Variants in RTTN observed in about 807,000 individuals in gnomAD.
RTTN encodes the protein rotatin.
A neutral mutation model predicts 269.2 loss-of-function variants in RTTN; 182 were observed. That is an observed-to-expected ratio of 0.68 (90% CI 0.60 to 0.76). The LOEUF (loss-of-function observed/expected upper bound fraction) is 0.76, where lower values mean the gene tolerates loss of function less well. Ranked by LOEUF, RTTN falls within the 30% of genes least tolerant of loss-of-function variation. RTTN has a pLI of 0.00. For synonymous variants in RTTN, 1,006 were observed against 963.5 expected (o/e 1.04, Z -0.82); for missense variants, 2,545 against 2,608.6 (o/e 0.98, Z 0.53).
At chr18:70,202,110 GTTTT>G (rs1291614336) in intron 3 of RTTN, 127 bp from the exon 4 acceptor site, 8 of 564,952 alleles carry the variant, frequency 1.4e-5, no homozygotes, top group Non-Finnish European at 2.1e-5. Flanking sequence ...AAAAAGTCCA[GTTTT>G]TTTTCTGAAT....
At chr18:70,162,004 C>T (rs1203402554) in intron 14 of RTTN, among the ~76,000 whole-genome samples, 2 of 152,142 alleles carry the variant, frequency 1.3e-5, no homozygotes, top group Non-Finnish European at 2.9e-5. Context: ...CAATCCCTTA[C>T]TGGGTATAGA....
Position 70,150,637 on chromosome 18 carries a change from CA to C in RTTN, c.2025del (p.Val676TyrfsTer11). The C allele has an allele frequency of 6.2e-7, 1 of 1,612,446 alleles. No individual in the cohort carries two copies. Among genetic ancestry groups the C allele is most frequent in the Non-Finnish European group, 8.5e-7 (1 of 1,178,888 alleles). ...LLHPKVLYEI[S>X]VFGIQEPESE... ...CTTTCGGGCTCTTGAATGCCAAATA[CA>C]GAGATTTCATACAGAACTTTTGGAT... On this transcript the variant is annotated frameshift_variant, in exon 15 of 49. Coordinates refer to ENST00000640769, the MANE Select transcript of RTTN (RefSeq NM_173630.4). LOFTEE classifies it high-confidence loss of function.
At chr18:70,050,551 G>A (rs1306549791) in intron 39 of RTTN, among the ~76,000 whole-genome samples, 1 of 152,170 alleles carries the variant, frequency 6.6e-6, no homozygotes, top group Non-Finnish European at 1.5e-5. Flanking sequence ...AATACCATTT[G>A]ACCCAACAAT....
chr18:70,077,515 CT>C (rs1356031022), intron 32 of RTTN, among the ~76,000 whole-genome samples: 1 of 151,868 alleles, frequency 6.6e-6, no homozygotes, highest in African/African-American at 2.4e-5. Context: ...TCTAACATTT[CT>C]TTAGTTTTTA....
At chr18:70,122,988 C>T (rs2059777010) in intron 25 of RTTN, among the ~76,000 whole-genome samples, 1 of 151,848 alleles carries the variant, frequency 6.6e-6, no homozygotes, top group Non-Finnish European at 1.5e-5. Flanking sequence ...CTCTTGAAGA[C>T]ACAAGACACT....
chr18:70,153,893 G>A (rs2145819552), intron 14 of RTTN, among the ~76,000 whole-genome samples: 1 of 152,210 alleles, frequency 6.6e-6, no homozygotes, highest in Non-Finnish European at 1.5e-5. Context: ...CTATACAGAT[G>A]ATTATCTTTT....
chr18:70,043,222 G>T (rs1402986769), intron 40 of RTTN, among the ~76,000 whole-genome samples: 1 of 152,218 alleles, frequency 6.6e-6, no homozygotes, highest in East Asian at 1.9e-4. Flanking sequence ...AGTGATAACA[G>T]GAAAGTCAGC....
chr18:70,033,152 T>TC (rs1185848224), intron 40 of RTTN, among the ~76,000 whole-genome samples: 2 of 152,190 alleles, frequency 1.3e-5, no homozygotes, highest in Non-Finnish European at 2.9e-5. Context: ...ATCTTGCCCC[T>TC]CTCTCTTCCT....
intron 17 of RTTN, among the ~76,000 whole-genome samples, chr18:70,147,112 C>T (rs1048483357): frequency 6.6e-6 from 1 of 152,182 alleles, no homozygotes; most frequent in Non-Finnish European, 1.5e-5. Flanking sequence ...CTGGTATATA[C>T]ATTTAGCATC....
intron 32 of RTTN, among the ~76,000 whole-genome samples, chr18:70,083,323 T>C (rs753457531): frequency 1.3e-5 from 2 of 152,344 alleles, no homozygotes; most frequent in African/African-American, 2.4e-5. Context: ...TATTTACTTA[T>C]GATATTAAGA....
chr18:70,017,751 C>G lies in RTTN; in HGVS notation c.6154-77G>C, dbSNP rs1218153778. The stretch of plus-strand genomic sequence containing the variant: ...TCCTAGTCCCTTGGTGACCAATTAA[C>G]TAACATTCTGATATACTCTCCCTCT... On this transcript the variant is annotated intron_variant, in intron 45 of 48. Transcript: ENST00000640769. 6 of 1,164,852 alleles carry G rather than the reference C, an allele frequency of 5.2e-6. No individual in the cohort carries two copies. The Admixed American group carries it at 1.2e-4, about 24-fold the overall frequency. 72.2% of individuals were successfully genotyped at this position (1,164,852 alleles called of 1,614,324 possible).
intron 7 of RTTN, among the ~76,000 whole-genome samples, chr18:70,194,945 T>C (rs542413558): frequency 6.6e-6 from 1 of 152,292 alleles, no homozygotes; most frequent in East Asian, 1.9e-4. Flanking sequence ...AATGGCATAT[T>C]TTATATTATA....
chr18:70,137,718 A>G lies in RTTN; in HGVS notation c.2788+1881T>C, dbSNP rs1599728830. ...TTTCTGAAATTCCATCTTAGATGCC[A>G]CATTCCCTAGAAACAATCTCTGATA... On this transcript the variant is annotated intron_variant, in intron 21 of 48. Transcript: ENST00000640769. Among the ~76,000 whole-genome samples the G allele has an allele frequency of 2.0e-5, 3 of 152,272 alleles. No individual in the cohort carries two copies. In the South Asian group the frequency reaches 6.2e-4, roughly 32 times the overall value.
At chr18:70,051,290 C>T (rs1445581138) in intron 39 of RTTN, 121 bp downstream of exon 39, 1 of 1,177,010 alleles carries the variant, frequency 8.5e-7, no homozygotes, top group Non-Finnish European at 1.1e-6. Context: ...CACCCTGATA[C>T]CTCTTTTATA....
intron 24 of RTTN, 192 bp from the exon 25 acceptor site, chr18:70,127,933 T>A: frequency 3.5e-6 from 2 of 578,210 alleles, no homozygotes. Flanking sequence ...ATCCCAAATG[T>A]TTATATTGAC....
At chr18:70,186,356 T>C (rs2061546994) in intron 10 of RTTN, among the ~76,000 whole-genome samples, 1 of 152,202 alleles carries the variant, frequency 6.6e-6, no homozygotes, top group African/African-American at 2.4e-5. Flanking sequence ...TAAATGCTGA[T>C]GAGAAAAAAT....
At chr18:70,176,901 T>C in intron 10 of RTTN, 56 bp from the exon 11 acceptor site, 1 of 1,375,228 alleles carries the variant, frequency 7.3e-7, no homozygotes, top group African/African-American at 1.5e-5. Context: ...TAGGGGCCAG[T>C]ATACAAAAGC....
intron 12 of RTTN, 51 bp from the exon 13 acceptor site, chr18:70,167,082 T>C (rs769415281): frequency 6.0e-6 from 7 of 1,170,928 alleles, no homozygotes; most frequent in Non-Finnish European, 7.6e-6. Context: ...TGTGCAATGA[T>C]ATTCTCAACA....
chr18:70,202,055 T>C (rs1434230635), intron 3 of RTTN, 72 bp from the exon 4 acceptor site: 1 of 850,986 alleles, frequency 1.2e-6, no homozygotes, highest in East Asian at 2.7e-5. Context: ...TTTCTTTAAG[T>C]GGTAATGTTT....
Sources: gnomAD v4.1 joint callset for allele counts (sites outside exome capture counted in the v4.1 genomes callset) on GRCh38, gnomAD v4.1.1 for gene constraint, MANE v1.5 for transcripts, NCBI Gene and HGNC (gene_info 2026-07-23, HGNC 2026-07-21) for gene names.